The following ALKBH3 variants were observed in gnomAD, a reference collection of about 807,000 sequenced individuals.
ALKBH3 encodes the protein alkB homolog 3, alpha-ketoglutarate dependent dioxygenase, also known as alpha-ketoglutarate-dependent dioxygenase alkB homolog 3.
In ALKBH3, 51 loss-of-function variants were observed where a neutral mutation model predicts 43.9. That is an observed-to-expected ratio of 1.16 (90% CI 0.93 to 1.47). ALKBH3 has a LOEUF of 1.47. Ranked by LOEUF, ALKBH3 falls within the 40% of genes most tolerant of loss-of-function variation. The pLI is 0.00. For missense variants in ALKBH3, 361 were observed against 351.9 expected, an observed-to-expected ratio of 1.03 and a Z score of -0.21; for synonymous variants, 102 against 115.2, an observed-to-expected ratio of 0.89 and a Z score of 0.73.
Position 43,883,991 on chromosome 11 carries a change from T to G in ALKBH3, c.192T>G (p.Arg64=), listed in dbSNP as rs1951731286. Residue 64 remains arginine (R), a synonymous_variant, in exon 4 of 10, where the codon CGT becomes CGG. Coordinates refer to ENST00000302708, the MANE Select transcript of ALKBH3 (RefSeq NM_139178.4). ...FVFKEPQQVV[R]RAPEPRVIDR... ...CGCCTATTTCCTTGCAGGTAGTACG[T>G]AGAGCTCCTGAGCCACGAGTGATTG... The G allele has an allele frequency of 6.2e-7, 1 of 1,613,938 alleles. No individual in the cohort carries two copies. Among genetic ancestry groups the G allele is most frequent in the Non-Finnish European group, 8.5e-7 (1 of 1,179,904 alleles).
At chr11:43,905,990 G>T (rs529527569) in intron 8 of ALKBH3, among the ~76,000 whole-genome samples, 1 of 152,330 alleles carries the variant, frequency 6.6e-6, no homozygotes, top group South Asian at 2.1e-4. Flanking sequence ...ATGCACTGGA[G>T]GTTTAGATGC....
intron 8 of ALKBH3, among the ~76,000 whole-genome samples, chr11:43,908,990 C>T (rs1448173265): frequency 1.3e-5 from 2 of 152,200 alleles, no homozygotes; most frequent in African/African-American, 2.4e-5. Flanking sequence ...TGATTGATTG[C>T]ACCAGTCCTT....
rs933320863 is a variant in ALKBH3 at position 43,914,549 on chromosome 11, TA to T, written c.670-4483del. On this transcript the variant is annotated intron_variant, in intron 8 of 9. Transcript: ENST00000302708. ...TCCATGTAGATTAAAGAGTTAAATC[TA>T]AAAAATGTAAACTCTTAAAAAAAAA... Among the ~76,000 whole-genome samples, 18 of 143,820 alleles carry T rather than the reference TA, an allele frequency of 1.3e-4. No individual in the cohort carries two copies. In the East Asian group the frequency reaches 3.2e-3, roughly 26 times the overall value. The allele number at this position is 143,820 out of a possible 152,430, so 94.4% of individuals were successfully genotyped here.
chr11:43,897,355 G>A (rs1030800761), intron 7 of ALKBH3: 1 of 684,856 alleles, frequency 1.5e-6, no homozygotes, highest in Non-Finnish European at 2.7e-6. Context: ...ATTCAGTTTT[G>A]TAAGTTTTAA....
chr11:43,919,464 A>T lies in ALKBH3; in HGVS notation c.768+328A>T, dbSNP rs1271616708. 9.4e-6 allele frequency: 3 copies of T among 320,556 alleles called. No homozygotes were observed. The Admixed American group carries it at 1.4e-4, about 15-fold the overall frequency. 19.9% of individuals were successfully genotyped at this position (320,556 alleles called of 1,614,324 possible). A position where few individuals can be genotyped will look rare whatever the true frequency, so the allele number is the denominator to read the frequency against. Reference sequence around the variant, plus strand: ...TTTAATTTAATTTTAATTAACTTAAATTTAAATAGCTTCAGGGTAGCTAGT... The same window carrying T: ...TTTAATTTAATTTTAATTAACTTAATTTTAAATAGCTTCAGGGTAGCTAGT... On this transcript the variant is annotated intron_variant, in intron 9 of 9. Transcript: ENST00000302708.
At chr11:43,910,293 T>C (rs1256420414) in intron 8 of ALKBH3, 2 of 152,222 alleles carry the variant, frequency 1.3e-5, no homozygotes, top group African/African-American at 4.8e-5. Flanking sequence ...CTTTCTGTCT[T>C]ATTTATCATT....
chr11:43,901,510 T>C lies in ALKBH3; in HGVS notation c.460-6T>C. 6.2e-7 allele frequency: 1 copy of C among 1,613,086 alleles called. No homozygotes were observed. Among genetic ancestry groups the C allele is most frequent in the South Asian group, 1.1e-5 (1 of 91,006 alleles). The stretch of plus-strand genomic sequence containing the variant: ...TCTTGCCCTTTTCTTGGTCTGTGGA[T>C]TGCAGTGGCACCCTGTGCTGCGCAC... On this transcript the variant is annotated splice_region_variant and splice_polypyrimidine_tract_variant and intron_variant, in intron 7 of 9. Transcript: ENST00000302708.
intron 8 of ALKBH3, among the ~76,000 whole-genome samples, chr11:43,913,672 T>C (rs1328554226): frequency 6.6e-6 from 1 of 152,180 alleles, no homozygotes; most frequent in Non-Finnish European, 1.5e-5. Context: ...CACTACTGCA[T>C]GGAATGGCAA....
intron 8 of ALKBH3, among the ~76,000 whole-genome samples, chr11:43,914,029 A>T (rs1468234118): frequency 6.6e-6 from 1 of 152,182 alleles, no homozygotes; most frequent in Non-Finnish European, 1.5e-5. Context: ...CTGGTTCTGC[A>T]TGGGTCCCTC....
chr11:43,919,194 G>A lies in ALKBH3; in HGVS notation c.768+58G>A. 4 of 1,414,740 alleles carry A rather than the reference G, an allele frequency of 2.8e-6. No homozygotes were observed. In the South Asian group the frequency reaches 4.6e-5, roughly 16 times the overall value. 87.6% of individuals were successfully genotyped at this position (1,414,740 alleles called of 1,614,324 possible). ...CATGTGGAGGCAGTTTCCTGACTCT[G>A]AGGACTATTTCTAAGTAGACATGGT... On this transcript the variant is annotated intron_variant, in intron 9 of 9. Transcript: ENST00000302708.
At position 43,919,094 on chromosome 11, in the gene ALKBH3, G is replaced by T. The variant is rs1048928; in HGVS notation, c.726G>T (p.Gly242=). 1,018,526 of 1,612,106 alleles carry T rather than the reference G, an allele frequency of 0.63. 327,483 individuals are homozygous for T. The highest frequency in any genetic ancestry group is 0.85 in the East Asian group (38,146 of 44,860). Residue 242 remains glycine (G), a synonymous_variant, in exon 9 of 10, where the codon GGG becomes GGT. Transcript: ENST00000302708. ...GAGTGAAGATACCCTTGGATCATGG[G>T]ACCTTGTTAATCATGGAAGGAGCGA... ...VERVKIPLDH[G]TLLIMEGATQ...
chr11:43,900,870 A>T (rs1951858949), intron 7 of ALKBH3, among the ~76,000 whole-genome samples: 1 of 152,198 alleles, frequency 6.6e-6, no homozygotes, highest in South Asian at 2.1e-4. Flanking sequence ...GGGCCGTGGA[A>T]CCTGTTTAAG....
At chr11:43,918,986 G>C in intron 8 of ALKBH3, 52 bp from the exon 9 acceptor site, 2 of 1,422,296 alleles carry the variant, frequency 1.4e-6, no homozygotes, top group Non-Finnish European at 2.0e-6. Flanking sequence ...AGGTTCTGTT[G>C]CATCTTGATT....
chr11:43,901,622 A>C lies in ALKBH3; in HGVS notation c.566A>C (p.Asp189Ala). The C allele has an allele frequency of 6.2e-7, 1 of 1,614,272 alleles. No homozygotes were observed. Among genetic ancestry groups the C allele is most frequent in the Non-Finnish European group, 8.5e-7 (1 of 1,180,044 alleles). The change falls in exon 8 of 10, where the codon GAC becomes GCC. Residue 189 changes from aspartate to alanine, a missense_variant. Coordinates refer to ENST00000302708, the MANE Select transcript of ALKBH3 (RefSeq NM_139178.4). Reference sequence around the variant, plus strand: ...TATCGCAATGAGAAGGACAGCGTGGACTGGCACAGTGATGATGAACCCTCA... The same window carrying C: ...TATCGCAATGAGAAGGACAGCGTGGCCTGGCACAGTGATGATGAACCCTCA... ...NLYRNEKDSV[D>A]WHSDDEPSLG...
intron 4 of ALKBH3, among the ~76,000 whole-genome samples, chr11:43,885,074 A>G (rs1390263890): frequency 6.6e-6 from 1 of 152,214 alleles, no homozygotes; most frequent in Non-Finnish European, 1.5e-5. Flanking sequence ...TTTTAAAAAA[A>G]CAAGTGTGTT....
intron 6 of ALKBH3, among the ~76,000 whole-genome samples, chr11:43,891,663 G>A (rs1002983826): frequency 2.6e-5 from 4 of 151,794 alleles, no homozygotes; most frequent in African/African-American, 9.7e-5. Flanking sequence ...TCACATGGAT[G>A]TTGGTGCCAC....
At chr11:43,895,733 A>G (rs894509790) in intron 7 of ALKBH3, among the ~76,000 whole-genome samples, 4 of 152,214 alleles carry the variant, frequency 2.6e-5, no homozygotes, top group Admixed American at 6.5e-5. Context: ...ACTGATGGTA[A>G]TGGTGGATAA....
At chr11:43,895,535 CT>C (rs1458738556) in intron 7 of ALKBH3, among the ~76,000 whole-genome samples, 1 of 152,152 alleles carries the variant, frequency 6.6e-6, no homozygotes, top group Non-Finnish European at 1.5e-5. Flanking sequence ...TTGGGTATGT[CT>C]TTATTAGCAG....
At chr11:43,896,766 G>T (rs1951821902) in intron 7 of ALKBH3, among the ~76,000 whole-genome samples, 2 of 152,102 alleles carry the variant, frequency 1.3e-5, no homozygotes, top group Non-Finnish European at 2.9e-5. Context: ...TGTTGGATGA[G>T]AATTTTTTTT....
Sources: allele counts gnomAD v4.1 joint callset (sites outside exome capture counted in the v4.1 genomes callset), GRCh38; gene constraint gnomAD v4.1.1; transcripts MANE v1.5; gene names NCBI Gene and HGNC (gene_info 2026-07-23, HGNC 2026-07-21).